RAD23B: variants seen among roughly 807,000 people sequenced by gnomAD.
The protein encoded by RAD23B is RAD23 nucleotide excision repair protein B, also known as lysine-specific demethylase RAD23B.
Under a neutral mutation model 49.1 loss-of-function variants are expected in RAD23B, and 5 were observed. The observed-to-expected ratio is 0.10, with a 90% CI of 0.05 to 0.21. RAD23B has a LOEUF of 0.21. Among genes scored for constraint, RAD23B ranks in the 10% least tolerant of loss-of-function variants. RAD23B has a pLI of 1.00. For missense variants in RAD23B, 356 were observed against 486.7 expected, an observed-to-expected ratio of 0.73 and a Z score of 2.53; for synonymous variants, 184 against 165.4, an observed-to-expected ratio of 1.11 and a Z score of -0.86.
intron 5 of RAD23B, among the ~76,000 whole-genome samples, chr9:107,317,015 G>A (rs1235116828): frequency 6.6e-6 from 1 of 152,144 alleles, no homozygotes; most frequent in African/African-American, 2.4e-5. Context: ...AAGTAACACC[G>A]GGAAGATGAG....
At position 107,325,313 on chromosome 9, in the gene RAD23B, C is replaced by CAAAAAAAAAAAAAAAAAAAAAAAAA. The variant is rs34042765; in HGVS notation, c.1116+313_1116+337dup. 3.3e-5 allele frequency among the ~76,000 whole-genome samples: 2 copies of CAAAAAAAAAAAAAAAAAAAAAAAAA among 61,376 alleles called. 1 individual carries two copies. Among genetic ancestry groups the CAAAAAAAAAAAAAAAAAAAAAAAAA allele is most frequent in the African/African-American group, 1.3e-4 (2 of 15,198 alleles). The allele number at this position is 61,376 out of a possible 152,430, so 40.3% of individuals were successfully genotyped here. A position where few individuals can be genotyped will look rare whatever the true frequency, so the allele number is the denominator to read the frequency against. On this transcript the variant is annotated intron_variant, in intron 9 of 9. Coordinates refer to ENST00000358015, the MANE Select transcript of RAD23B (RefSeq NM_002874.5). ...TGGGCAACAGAGTGAGACTCTGTCT[C>CAAAAAAAAAAAAAAAAAAAAAAAAA]AAAAAAAAAAAAAAAAAAAAAAAAA...
Position 107,312,701 on chromosome 9 carries a change from C to G in RAD23B, c.553+964C>G, listed in dbSNP as rs866538277. On this transcript the variant is annotated intron_variant, in intron 5 of 9. Coordinates refer to ENST00000358015, the MANE Select transcript of RAD23B (RefSeq NM_002874.5). ...TCTAGCCAGGAAAACAGAAACCACT[C>G]TATTTCAAAGAGGGAAAGGCTTAAT... Among the ~76,000 whole-genome samples, 6 of 152,292 alleles carry G rather than the reference C, an allele frequency of 3.9e-5. No individual in the cohort carries two copies. The Middle Eastern group carries it at 0.01, about 259-fold the overall frequency.
intron 1 of RAD23B, among the ~76,000 whole-genome samples, chr9:107,288,418 A>G (rs889035722): frequency 6.6e-6 from 1 of 152,160 alleles, no homozygotes; most frequent in Non-Finnish European, 1.5e-5. Context: ...ATTTGATAAT[A>G]CTTCACTGGG....
At chr9:107,307,411 A>T (rs1826801465) in intron 4 of RAD23B, among the ~76,000 whole-genome samples, 1 of 152,206 alleles carries the variant, frequency 6.6e-6, no homozygotes, top group Non-Finnish European at 1.5e-5. Context: ...CTTAAGTCAG[A>T]GTTCTCTTGG....
In RAD23B at chr9:107,331,494, T is replaced by C. The variant is rs541306483; in HGVS notation, c.*1838T>C. The C allele has an allele frequency of 5.4e-6, 3 of 554,050 alleles. No individual in the cohort carries two copies. Among genetic ancestry groups the C allele is most frequent in the East Asian group, 2.9e-5 (1 of 34,906 alleles). The allele number at this position is 554,050 out of a possible 1,614,324, so 34.3% of individuals were successfully genotyped here. On this transcript the variant is annotated 3_prime_UTR_variant, in exon 10 of 10. Coordinates refer to ENST00000358015, the MANE Select transcript of RAD23B (RefSeq NM_002874.5). ...ATAAACATGACAGGCTTTTGGACTTTGTATTACCTGTATGTTTTATAATGG... is the reference window on the plus strand; with the variant it reads ...ATAAACATGACAGGCTTTTGGACTTCGTATTACCTGTATGTTTTATAATGG...
At chr9:107,312,188 T>C (rs1327594068) in intron 5 of RAD23B, among the ~76,000 whole-genome samples, 3 of 152,224 alleles carry the variant, frequency 2.0e-5, no homozygotes, top group African/African-American at 7.2e-5. Flanking sequence ...AATGCCTTTT[T>C]ATCCCAACTT....
chr9:107,292,457 G>C (rs965139894), intron 1 of RAD23B, among the ~76,000 whole-genome samples: 3 of 152,076 alleles, frequency 2.0e-5, no homozygotes, highest in African/African-American at 4.8e-5. Context: ...GAGGTGGGCG[G>C]ATCACGAGGT....
intron 5 of RAD23B, among the ~76,000 whole-genome samples, chr9:107,316,537 C>T (rs778723858): frequency 2.6e-5 from 4 of 151,562 alleles, no homozygotes; most frequent in African/African-American, 7.3e-5. Flanking sequence ...GCTTTGTGCT[C>T]GAATTATATC....
intron 5 of RAD23B, 102 bp downstream of exon 5, chr9:107,311,839 TATA>T: frequency 1.2e-6 from 1 of 856,782 alleles, no homozygotes; most frequent in South Asian, 1.8e-5. Context: ...CATGGTTGTT[TATA>T]ATCAAGCTGT....
chr9:107,298,532 T>A (rs897069359), intron 1 of RAD23B, among the ~76,000 whole-genome samples: 10 of 128,356 alleles, frequency 7.8e-5, no homozygotes, highest in Non-Finnish European at 1.6e-4. Flanking sequence ...GGTTTTACCA[T>A]GTTAGCCAGG....
rs186495468 is a variant in RAD23B at position 107,326,253 on chromosome 9, T to C, written c.1116+1249T>C. On this transcript the variant is annotated intron_variant, in intron 9 of 9. Coordinates refer to ENST00000358015, the MANE Select transcript of RAD23B (RefSeq NM_002874.5). ...GGGTGAGTTGGGAATTATTCTCTCCTGTTGTCTGGAAGTATTTATTAAGAA... is the reference window on the plus strand; with the variant it reads ...GGGTGAGTTGGGAATTATTCTCTCCCGTTGTCTGGAAGTATTTATTAAGAA... Among the ~76,000 whole-genome samples the C allele has an allele frequency of 1.2e-4, 18 of 152,120 alleles. No individual in the cohort carries two copies. The East Asian group carries it at 3.5e-3, about 30-fold the overall frequency.
intron 4 of RAD23B, among the ~76,000 whole-genome samples, chr9:107,309,479 G>T (rs1269498886): frequency 6.6e-6 from 1 of 152,194 alleles, no homozygotes; most frequent in Non-Finnish European, 1.5e-5. Flanking sequence ...ATGTTAATGT[G>T]TAGAAGAAAA....
At position 107,283,699 on chromosome 9, in the gene RAD23B, TGCGCGCGGGCCGGGGGCAGGGGCAGCC is replaced by T; in HGVS notation, c.66+8_66+34del. The T allele has an allele frequency of 9.6e-6, 14 of 1,464,258 alleles. No individual in the cohort carries two copies. The highest frequency in any genetic ancestry group is 1.2e-5 in the Non-Finnish European group (13 of 1,103,916). The allele number at this position is 1,464,258 out of a possible 1,614,324, so 90.7% of individuals were successfully genotyped here. A position where few individuals can be genotyped will look rare whatever the true frequency, so the allele number is the denominator to read the frequency against. On this transcript the variant is annotated splice_donor_5th_base_variant and intron_variant, in intron 1 of 9. Transcript: ENST00000358015. ...AGACATTGACCCCGAGGAGACGGTATGCGCGCGGGCCGGGGGCAGGGGCAGCCGCGTGCGGGCCGCGGGGAGCGCCAG... is the reference window on the plus strand; with the variant it reads ...AGACATTGACCCCGAGGAGACGGTATGCGTGCGGGCCGCGGGGAGCGCCAG...
chr9:107,284,304 A>G (rs971129225), intron 1 of RAD23B: 5 of 881,114 alleles, frequency 5.7e-6, no homozygotes, highest in Non-Finnish European at 6.8e-6. Context: ...CCTTGCGTAG[A>G]TTGCACTTTG....
intron 3 of RAD23B, among the ~76,000 whole-genome samples, chr9:107,306,087 A>G (rs1454034639): frequency 1.5e-5 from 2 of 130,642 alleles, no homozygotes; most frequent in East Asian, 2.4e-4. Flanking sequence ...ATATCTATAT[A>G]TATTTCAAAT....
intron 2 of RAD23B, among the ~76,000 whole-genome samples, chr9:107,301,197 G>T (rs1387788826): frequency 1.3e-5 from 2 of 152,172 alleles, no homozygotes; most frequent in African/African-American, 4.8e-5. Context: ...GTAGCATCTT[G>T]CCCTTTCTTG....
chr9:107,318,933 A>C lies in RAD23B; in HGVS notation c.681+54A>C. ...TCTGTTGTTTAAGATTAAAATCTCAAAGAAACAGATTTTAAAGGACCAGTT... is the reference window on the plus strand; with the variant it reads ...TCTGTTGTTTAAGATTAAAATCTCACAGAAACAGATTTTAAAGGACCAGTT... On this transcript the variant is annotated intron_variant, in intron 6 of 9. Transcript: ENST00000358015. This position sits in a 1 kb window ranked among gnomAD's most constrained non-coding sequence, Gnocchi z 4.3. 6.5e-7 allele frequency: 1 copy of C among 1,530,860 alleles called. No individual in the cohort carries two copies. The highest frequency in any genetic ancestry group is 8.9e-7 in the Non-Finnish European group (1 of 1,120,544). The allele number at this position is 1,530,860 out of a possible 1,614,324, so 94.8% of individuals were successfully genotyped here. A position where few individuals can be genotyped will look rare whatever the true frequency, so the allele number is the denominator to read the frequency against.
chr9:107,308,143 T>C (rs1252723122), intron 4 of RAD23B, among the ~76,000 whole-genome samples: 1 of 151,962 alleles, frequency 6.6e-6, no homozygotes, highest in Admixed American at 6.6e-5. Context: ...GCTTACAGTG[T>C]GAGAATTTTA....
At chr9:107,324,099 C>CA in intron 8 of RAD23B, 82 bp downstream of exon 8, 1 of 1,392,536 alleles carries the variant, frequency 7.2e-7, no homozygotes, top group Non-Finnish European at 1.0e-6. Flanking sequence ...TTCCCCTCCT[C>CA]AAATACAACT....
Sources: gnomAD v4.1 joint callset for allele counts (sites outside exome capture counted in the v4.1 genomes callset) on GRCh38, gnomAD v4.1.1 for gene constraint, Gnocchi (gnomAD v3.1) non-coding constraint, MANE v1.5 for transcripts, NCBI Gene and HGNC (gene_info 2026-07-23, HGNC 2026-07-21) for gene names.